WDR17: variants seen among roughly 807,000 people sequenced by gnomAD.
WDR17 encodes the protein WD repeat domain 17.
A neutral mutation model predicts 161.7 loss-of-function variants in WDR17; 143 were observed. That is an observed-to-expected ratio of 0.88 (90% CI 0.77 to 1.02). WDR17 has a LOEUF of 1.02. Ranked by LOEUF, WDR17 falls within the 50% of genes least tolerant of loss-of-function variation. The pLI is 0.00. For missense variants in WDR17, 1,469 were observed against 1,520.9 expected (o/e 0.97, Z 0.57); for synonymous variants, 517 against 515.6 (o/e 1.00, Z -0.04).
At chr4:176,108,057 A>C (rs1310088063) in intron 1 of WDR17, among the ~76,000 whole-genome samples, 3 of 150,096 alleles carry the variant, frequency 2.0e-5, no homozygotes, top group Non-Finnish European at 3.0e-5. Flanking sequence ...CCTATCCCCC[A>C]AGACAGGGTC....
In WDR17 at chr4:176,150,098, T is replaced by C. The variant is rs367996575; in HGVS notation, c.2103T>C (p.Asp701=). The change falls in exon 15 of 29, where the codon GAT becomes GAC. Residue 701 remains aspartate (D), a synonymous_variant. Coordinates refer to ENST00000508596, the MANE Select transcript of WDR17 (RefSeq NM_181265.4). ...PPLLCGKVSR[D]IRQEIEKLTA... ...TACTGTGTGGTAAAGTGTCAAGAGATATTAGACAGGAAATAGAAAAACTAA... is the reference window on the plus strand; with the variant it reads ...TACTGTGTGGTAAAGTGTCAAGAGACATTAGACAGGAAATAGAAAAACTAA... The C allele has an allele frequency of 8.1e-6, 13 of 1,613,954 alleles. No individual in the cohort carries two copies. In the African/African-American group the frequency reaches 1.7e-4, roughly 22 times the overall value.
chr4:176,136,499 C>T (rs1168258000), intron 8 of WDR17, among the ~76,000 whole-genome samples: 5 of 151,618 alleles, frequency 3.3e-5, no homozygotes, highest in African/African-American at 1.2e-4. Context: ...TTATAGCATT[C>T]TTTCACTCTC....
chr4:176,181,837 T>G lies in WDR17; in HGVS notation c.*2258T>G, dbSNP rs1183986802. ...ATGTATAAAAGATGAAGAAAAAATT[T>G]TGCAAGTCTTTAAGCACATAAATAC... On this transcript the variant is annotated 3_prime_UTR_variant, in exon 29 of 29. Transcript: ENST00000508596. 1 of 152,064 alleles carries G rather than the reference T, an allele frequency of 6.6e-6. No homozygotes were observed. The highest frequency in any genetic ancestry group is 1.5e-5 in the Non-Finnish European group (1 of 67,980). The allele number at this position is 152,064 out of a possible 1,614,324, so 9.4% of individuals were successfully genotyped here.
At chr4:176,163,438 A>G in intron 22 of WDR17, 145 bp downstream of exon 22, 2 of 1,007,768 alleles carry the variant, frequency 2.0e-6, no homozygotes, top group Admixed American at 3.2e-5. Flanking sequence ...GGAAATAATG[A>G]TATAACAATG....
In WDR17 at chr4:176,163,172, A is replaced by T. The variant is rs776773008; in HGVS notation, c.2869A>T (p.Ile957Phe). 6.2e-7 allele frequency: 1 copy of T among 1,614,132 alleles called. No individual in the cohort carries two copies. The highest frequency in any genetic ancestry group is 8.5e-7 in the Non-Finnish European group (1 of 1,179,994). Residue 957 changes from isoleucine (I) to phenylalanine (F), a missense_variant, in exon 22 of 29, where the codon ATT becomes TTT. Ile to Phe is a conservative substitution (Grantham distance 21). Coordinates refer to ENST00000508596, the MANE Select transcript of WDR17 (RefSeq NM_181265.4). ...GAGCAAGCTTGCTATGGCATACCTG[A>T]TTCGCGGAAATGAACTGGAGTTGGC... The part of the protein sequence containing the change: ...DNIELAMAYL[I>F]RGNELELAVC...
intron 5 of WDR17, 40 bp downstream of exon 5, chr4:176,125,395 A>G (rs764882037): frequency 5.1e-6 from 8 of 1,577,840 alleles, no homozygotes; most frequent in Admixed American, 3.7e-5. Context: ...AAATACGTGT[A>G]TATATTCTTT....
At chr4:176,142,313 G>C (rs1385015826) in intron 11 of WDR17, among the ~76,000 whole-genome samples, 2 of 151,932 alleles carry the variant, frequency 1.3e-5, no homozygotes, top group Non-Finnish European at 2.9e-5. Context: ...CTAATACTTA[G>C]GAAAAAAAAT....
At chr4:176,173,406 A>G (rs1179006750) in intron 25 of WDR17, 37 bp downstream of exon 25, 3 of 1,396,736 alleles carry the variant, frequency 2.1e-6, no homozygotes, top group South Asian at 1.2e-5. Context: ...AAGTGAATCT[A>G]TTTGATAATT....
At chr4:176,088,488 G>T (rs1361648952) in intron 1 of WDR17, among the ~76,000 whole-genome samples, 1 of 152,110 alleles carries the variant, frequency 6.6e-6, no homozygotes, top group Admixed American at 6.5e-5. Flanking sequence ...ATTTTTTCTT[G>T]TTGTTAAAGG....
chr4:176,112,199 C>T (rs1739879169), intron 2 of WDR17, among the ~76,000 whole-genome samples: 1 of 152,164 alleles, frequency 6.6e-6, no homozygotes, highest in African/African-American at 2.4e-5. Flanking sequence ...GCTAACCATG[C>T]ATCTAAACCA....
intron 18 of WDR17, among the ~76,000 whole-genome samples, chr4:176,159,108 C>T (rs1322470957): frequency 6.6e-6 from 1 of 151,984 alleles, no homozygotes; most frequent in South Asian, 2.1e-4. Context: ...CTACCCCTAC[C>T]CAAAGATTAA....
chr4:176,082,059 T>G (rs1346572084), intron 1 of WDR17, among the ~76,000 whole-genome samples: 1 of 152,132 alleles, frequency 6.6e-6, no homozygotes, highest in East Asian at 1.9e-4. Flanking sequence ...GCTTTTTTTT[T>G]TCTGCTTTGT....
chr4:176,179,728 T>A lies in WDR17; in HGVS notation c.*149T>A, dbSNP rs1479380450. Reference sequence around the variant, plus strand: ...GGGAAATAGCAGTGAATTTTAGTCATTAACTTCAAAATATATATATATATA... The same window carrying A: ...GGGAAATAGCAGTGAATTTTAGTCAATAACTTCAAAATATATATATATATA... On this transcript the variant is annotated 3_prime_UTR_variant, in exon 29 of 29. Coordinates refer to ENST00000508596, the MANE Select transcript of WDR17 (RefSeq NM_181265.4). 5.9e-6 allele frequency: 3 copies of A among 510,972 alleles called. No individual in the cohort carries two copies. The highest frequency in any genetic ancestry group is 8.7e-6 in the Non-Finnish European group (3 of 344,624). The allele number at this position is 510,972 out of a possible 1,614,324, so 31.7% of individuals were successfully genotyped here. A position where few individuals can be genotyped will look rare whatever the true frequency, so the allele number is the denominator to read the frequency against.
intron 1 of WDR17, among the ~76,000 whole-genome samples, chr4:176,073,228 A>G (rs1733469868): frequency 6.6e-6 from 1 of 152,034 alleles, no homozygotes; most frequent in Admixed American, 6.6e-5. Flanking sequence ...AGCATTAGGT[A>G]TATCTCCTAA....
chr4:176,149,089 A>G (rs186606234), intron 13 of WDR17, among the ~76,000 whole-genome samples: 2 of 152,294 alleles, frequency 1.3e-5, no homozygotes, highest in East Asian at 3.9e-4. Flanking sequence ...CCAACTCTTC[A>G]TCTTTTAACT....
At chr4:176,106,491 CTT>C (rs1479003054) in intron 1 of WDR17, among the ~76,000 whole-genome samples, 12 of 152,026 alleles carry the variant, frequency 7.9e-5, no homozygotes, top group African/African-American at 2.9e-4. Flanking sequence ...ATCAAAGACA[CTT>C]AATGTTAAGA....
chr4:176,170,049 T>C (rs1750481376), intron 23 of WDR17, among the ~76,000 whole-genome samples: 1 of 152,174 alleles, frequency 6.6e-6, no homozygotes, highest in Non-Finnish European at 1.5e-5. Flanking sequence ...AGGCAGAAGG[T>C]GCAGATGTTA....
intron 1 of WDR17, among the ~76,000 whole-genome samples, chr4:176,075,258 G>A (rs6553912): frequency 0.52 from 79,304 of 151,568 alleles, 22,143 homozygotes; most frequent in South Asian, 0.63. Context: ...TAATTATAAG[G>A]TGACTGAGTC....
chr4:176,088,295 A>G (rs1235781212), intron 1 of WDR17, among the ~76,000 whole-genome samples: 5 of 152,160 alleles, frequency 3.3e-5, no homozygotes, highest in Non-Finnish European at 7.4e-5. Flanking sequence ...AAAAACTTCA[A>G]ACTCAGCCAG....
Sources: gnomAD v4.1 joint callset for allele counts (sites outside exome capture counted in the v4.1 genomes callset) on GRCh38, gnomAD v4.1.1 for gene constraint, MANE v1.5 for transcripts, NCBI Gene and HGNC (gene_info 2026-07-23, HGNC 2026-07-21) for gene names.